The following PFKM variants were observed in gnomAD, a reference collection of about 807,000 sequenced individuals.
The protein encoded by PFKM is ATP-dependent 6-phosphofructokinase, muscle type.
Under a neutral mutation model 95.5 loss-of-function variants are expected in PFKM, and 58 were observed. The ratio of observed to expected loss-of-function variants is 0.61; its 90% CI spans 0.49 to 0.76. The LOEUF (loss-of-function observed/expected upper bound fraction) is 0.76. Among genes scored for constraint, PFKM ranks in the 30% least tolerant of loss-of-function variants. PFKM has a pLI of 0.00. For missense variants in PFKM, 678 were observed against 1,005.4 expected, an observed-to-expected ratio of 0.67 and a Z score of 4.40; for synonymous variants, 336 against 357.2, an observed-to-expected ratio of 0.94 and a Z score of 0.67.
At chr12:48,140,333 C>T (rs1283625204) in intron 13 of PFKM, among the ~76,000 whole-genome samples, 1 of 152,162 alleles carries the variant, frequency 6.6e-6, no homozygotes, top group Non-Finnish European at 1.5e-5. Flanking sequence ...CTCCTGGGCC[C>T]CTCTCTCAGA....
intron 10 of PFKM, 64 bp downstream of exon 10, chr12:48,135,447 C>A: frequency 8.7e-7 from 1 of 1,155,646 alleles, no homozygotes; most frequent in South Asian, 1.2e-5. Context: ...CCTGCCCCCT[C>A]AGGGCTGCAC....
chr12:48,135,510 T>TG, intron 10 of PFKM, 127 bp downstream of exon 10: 1 of 663,094 alleles, frequency 1.5e-6, no homozygotes. Flanking sequence ...CACCAGCCTT[T>TG]GGGCTGCAGT....
At chr12:48,129,210 C>CTTTTTTTTTTTTTTTTTTTTTTTTTTTTT (rs778761447) in intron 2 of PFKM, among the ~76,000 whole-genome samples, 1 of 21,978 alleles carries the variant, frequency 4.6e-5, no homozygotes, top group Non-Finnish European at 8.7e-5. Flanking sequence ...AATTTTCTTT[C>CTTTTTTTTTTTTTTTTTTTTTTTTTTTTT]TTTTTTTTTT....
At chr12:48,109,439 C>T (rs986041879) in intron 3 of PFKM, among the ~76,000 whole-genome samples, 1 of 151,940 alleles carries the variant, frequency 6.6e-6, no homozygotes, top group Non-Finnish European at 1.5e-5. Context: ...CTTCCTTTGC[C>T]CCTGCATAGA....
At chr12:48,140,396 C>T (rs1409131117) in intron 13 of PFKM, among the ~76,000 whole-genome samples, 1 of 152,158 alleles carries the variant, frequency 6.6e-6, no homozygotes, top group Non-Finnish European at 1.5e-5. Context: ...ACAGGCTCCC[C>T]CAGTGGATTC....
chr12:48,121,099 C>T (rs553646795), intron 1 of PFKM, among the ~76,000 whole-genome samples: 1 of 152,292 alleles, frequency 6.6e-6, no homozygotes, highest in South Asian at 2.1e-4. Context: ...CCAGTTTAGA[C>T]AACATGTGGT....
chr12:48,114,663 A>T (rs1437537415), upstream of PFKM, among the ~76,000 whole-genome samples: 2 of 151,608 alleles, frequency 1.3e-5, no homozygotes. Flanking sequence ...CCAGAGGGAA[A>T]GAAGGAGGAT....
chr12:48,118,506 T>G, upstream of PFKM: 1 of 1,517,838 alleles, frequency 6.6e-7, no homozygotes, highest in East Asian at 2.5e-5. Flanking sequence ...GAGATACAAG[T>G]AAGCAAGAGG....
rs58381317 is a variant in PFKM at position 48,142,346 on chromosome 12, G to A, written c.1653+280G>A. Reference sequence around the variant, plus strand: ...AAACTAGCTGGGTGTGGTGGTAGGCGCCTGTAATCCCAGCTACTTGGGAGG... The same window carrying A: ...AAACTAGCTGGGTGTGGTGGTAGGCACCTGTAATCCCAGCTACTTGGGAGG... On this transcript the variant is annotated intron_variant, in intron 17 of 22. Coordinates refer to ENST00000359794, the MANE Select transcript of PFKM (RefSeq NM_000289.6). The A allele has an allele frequency of 1.4e-3, 646 of 461,276 alleles. 6 individuals are homozygous for A. Among genetic ancestry groups the A allele is most frequent in the African/African-American group, 0.011 (535 of 50,594 alleles). The allele number at this position is 461,276 out of a possible 1,614,324, so 28.6% of individuals were successfully genotyped here.
Position 48,134,746 on chromosome 12 carries a change from T to A in PFKM, c.664T>A (p.Ser222Thr), listed in dbSNP as rs1949900881. Reference sequence around the variant, plus strand: ...ATACCTGGCCCTTGTCACCTCTCTGTCCTGTGGGGCCGACTGGGTTTTTAT... The same window carrying A: ...ATACCTGGCCCTTGTCACCTCTCTGACCTGTGGGGCCGACTGGGTTTTTAT... ...CGYLALVTSL[S>T]CGADWVFIPE... Residue 222 changes from serine (S) to threonine (T), a missense_variant, in exon 8 of 23, where the codon TCC (serine) becomes ACC (threonine). By Grantham distance (58) the Ser-to-Thr change is moderately conservative. Coordinates refer to ENST00000359794, the MANE Select transcript of PFKM (RefSeq NM_000289.6). The A allele has an allele frequency of 2.5e-6, 4 of 1,614,056 alleles. No individual in the cohort carries two copies. The highest frequency in any genetic ancestry group is 2.5e-6 in the Non-Finnish European group (3 of 1,179,896).
chr12:48,119,748 G>C (rs1471379402), intron 1 of PFKM: 1 of 152,198 alleles, frequency 6.6e-6, no homozygotes, highest in Non-Finnish European at 1.5e-5. Flanking sequence ...CCTCCCTGCC[G>C]CGTGCTTATA....
intron 14 of PFKM, 138 bp from the exon 15 acceptor site, chr12:48,141,173 G>A: frequency 2.4e-6 from 2 of 828,422 alleles, no homozygotes; most frequent in East Asian, 5.0e-5. Context: ...AGTGCGTGGG[G>A]AAAAGCTAAT....
rs752639418 is a variant in PFKM at position 48,145,756 on chromosome 12, C to T, written c.*48C>T. The T allele has an allele frequency of 1.3e-6, 2 of 1,583,808 alleles. No individual in the cohort carries two copies. The highest frequency in any genetic ancestry group is 1.1e-5 in the South Asian group (1 of 90,498). On this transcript the variant is annotated 3_prime_UTR_variant, in exon 23 of 23. Coordinates refer to ENST00000359794, the MANE Select transcript of PFKM (RefSeq NM_000289.6). The surrounding 1 kb of genome is among the most constrained non-coding windows in gnomAD (Gnocchi z 4.3). ...AGATTACCTGATCATGGTCAGCTCA[C>T]ACCCTAATAAGTCCACATCTTCTCA...
At chr12:48,108,227 C>T in intron 3 of PFKM, 2 of 1,584,892 alleles carry the variant, frequency 1.3e-6, no homozygotes, top group Non-Finnish European at 1.7e-6. Flanking sequence ...GAGAAATGTT[C>T]AAAGGAATAT....
chr12:48,121,606 C>T (rs1303460937), intron 1 of PFKM, among the ~76,000 whole-genome samples: 1 of 152,176 alleles, frequency 6.6e-6, no homozygotes, highest in African/African-American at 2.4e-5. Context: ...GCCCGTAAAA[C>T]TTGGGTTCCT....
exon 3 of PFKM, chr12:48,108,120 A>C: frequency 6.3e-7 from 1 of 1,599,406 alleles, no homozygotes; most frequent in Non-Finnish European, 8.5e-7. Flanking sequence ...CCACCACCAA[A>C]GACAGACATC....
intron 1 of PFKM, 132 bp from the exon 2 acceptor site, chr12:48,122,635 G>A: frequency 6.6e-7 from 1 of 1,520,918 alleles, no homozygotes; most frequent in East Asian, 2.4e-5. Context: ...AAGCTCTCAG[G>A]CTGCAAAGCT....
rs770104735 is a variant in PFKM at position 48,145,232 on chromosome 12, A to G, written c.2115A>G (p.Pro705=). 1.2e-6 allele frequency: 2 copies of G among 1,614,108 alleles called. No individual in the cohort carries two copies. Among genetic ancestry groups the G allele is most frequent in the South Asian group, 1.1e-5 (1 of 91,074 alleles). Residue 705 remains proline (P), a synonymous_variant, in exon 22 of 23, where the codon CCA becomes CCG. Coordinates refer to ENST00000359794, the MANE Select transcript of PFKM (RefSeq NM_000289.6). This position sits in a 1 kb window ranked among gnomAD's most constrained non-coding sequence, Gnocchi z 4.3. ...CAGGGCGGATCTTTGCCAATACTCCAGATTCGGGCTGTGTTCTGGGGATGC... is the reference window on the plus strand; with the variant it reads ...CAGGGCGGATCTTTGCCAATACTCCGGATTCGGGCTGTGTTCTGGGGATGC... ...YRNGRIFANT[P]DSGCVLGMRK...
intron 13 of PFKM, 139 bp from the exon 14 acceptor site, chr12:48,140,583 G>T: frequency 1.2e-6 from 1 of 854,676 alleles, no homozygotes; most frequent in East Asian, 2.4e-5. Flanking sequence ...TGGGAGAGGG[G>T]TGTGTGTTGT....
Sources: allele counts gnomAD v4.1 joint callset (sites outside exome capture counted in the v4.1 genomes callset), GRCh38; gene constraint gnomAD v4.1.1; non-coding constraint Gnocchi (gnomAD v3.1); transcripts MANE v1.5; gene names NCBI Gene and HGNC (gene_info 2026-07-23, HGNC 2026-07-21).